The following TOPAZ1 variants were observed in gnomAD, a reference collection of about 807,000 sequenced individuals.
The protein encoded by TOPAZ1 is testis and ovary specific TOPAZ 1, also known as protein TOPAZ1.
In TOPAZ1, 66 loss-of-function variants were observed where a neutral mutation model predicts 172.2. That is an observed-to-expected ratio of 0.38 (90% CI 0.31 to 0.47). The LOEUF (loss-of-function observed/expected upper bound fraction) is 0.47, where lower values mean the gene tolerates loss of function less well. Among genes scored for constraint, TOPAZ1 ranks in the 20% least tolerant of loss-of-function variants. The pLI is 0.99. For synonymous variants in TOPAZ1, 681 were observed against 683.9 expected, an observed-to-expected ratio of 1.00 and a Z score of 0.07; for missense variants, 1,822 against 1,972.4, an observed-to-expected ratio of 0.92 and a Z score of 1.44.
chr3:44,243,483 T>C lies in TOPAZ1; in HGVS notation c.977T>C (p.Val326Ala). 1 of 1,551,758 alleles carries C rather than the reference T, an allele frequency of 6.4e-7. No individual in the cohort carries two copies. Among genetic ancestry groups the C allele is most frequent in the Non-Finnish European group, 8.7e-7 (1 of 1,146,984 alleles). Residue 326 changes from valine (V) to alanine (A), a missense_variant, in exon 2 of 20, where the codon GTT becomes GCT. This residue lies in a region of TOPAZ1 where 1,489 missense variants were observed against 1,490.8 expected (regional missense o/e 1.00). Transcript: ENST00000309765. Reference sequence around the variant, plus strand: ...AAATATTCAATAGAGGAGAGCAGTGTTGGGCGAAAACCCAGGAAAAGGATG... The same window carrying C: ...AAATATTCAATAGAGGAGAGCAGTGCTGGGCGAAAACCCAGGAAAAGGATG... ...KNKYSIEESS[V>A]GRKPRKRMKL...
chr3:44,318,362 GA>G (rs1487599167), intron 16 of TOPAZ1, among the ~76,000 whole-genome samples: 1 of 152,044 alleles, frequency 6.6e-6, no homozygotes, highest in African/African-American at 2.4e-5. Context: ...TGAGGCAGGA[GA>G]ATCACTTGAA....
chr3:44,255,672 C>G (rs113028154), intron 3 of TOPAZ1, among the ~76,000 whole-genome samples: 1 of 55,330 alleles, frequency 1.8e-5, no homozygotes, highest in Non-Finnish European at 3.5e-5. Flanking sequence ...AATATATATA[C>G]ACACACACAC....
At chr3:44,271,148 G>A (rs778725626) in intron 8 of TOPAZ1, among the ~76,000 whole-genome samples, 66 of 152,074 alleles carry the variant, frequency 4.3e-4, no homozygotes, top group Admixed American at 5.9e-4. Flanking sequence ...ATATGTATAC[G>A]TTCTGATAGG....
chr3:44,263,560 A>T (rs1052206405), intron 5 of TOPAZ1, among the ~76,000 whole-genome samples: 3 of 152,228 alleles, frequency 2.0e-5, no homozygotes, highest in African/African-American at 7.2e-5. Context: ...AGTAAGTGAC[A>T]TCCCAAGTTG....
chr3:44,257,498 G>A (rs1559527922), intron 4 of TOPAZ1, among the ~76,000 whole-genome samples: 1 of 93,864 alleles, frequency 1.1e-5, no homozygotes, highest in Admixed American at 1.3e-4. Flanking sequence ...GTGTGTGTGT[G>A]TGTGTGTGTG....
rs559055455 is a variant in TOPAZ1 at position 44,292,145 on chromosome 3, T to C, written c.3797+1259T>C. Reference sequence around the variant, plus strand: ...GCAGCTCTAAATAGTACTTCTTCCCTTCAATCACTAACATTGAAATTAATT... The same window carrying C: ...GCAGCTCTAAATAGTACTTCTTCCCCTCAATCACTAACATTGAAATTAATT... On this transcript the variant is annotated intron_variant, in intron 12 of 19. Transcript: ENST00000309765. Among the ~76,000 whole-genome samples, 27 of 152,344 alleles carry C rather than the reference T, an allele frequency of 1.8e-4. No homozygotes were observed. The South Asian group carries it at 5.6e-3, about 32-fold the overall frequency.
At chr3:44,303,193 T>C (rs142198408) in intron 12 of TOPAZ1, among the ~76,000 whole-genome samples, 22 of 152,298 alleles carry the variant, frequency 1.4e-4, no homozygotes, top group African/African-American at 5.1e-4. Flanking sequence ...AAAATTGTTT[T>C]TTTTTCTTAA....
At chr3:44,247,661 A>AT in intron 2 of TOPAZ1, among the ~76,000 whole-genome samples, 1 of 151,772 alleles carries the variant, frequency 6.6e-6, no homozygotes, top group Non-Finnish European at 1.5e-5. Flanking sequence ...TATTTTTGTT[A>AT]TTTTTTTGAG....
At chr3:44,299,873 A>G (rs868813361) in intron 12 of TOPAZ1, among the ~76,000 whole-genome samples, 3 of 137,506 alleles carry the variant, frequency 2.2e-5, no homozygotes. Context: ...AACACCGCAT[A>G]TTCTCACTCA....
intron 8 of TOPAZ1, 139 bp downstream of exon 8, chr3:44,270,949 T>C: frequency 1.4e-6 from 1 of 734,490 alleles, no homozygotes; most frequent in Non-Finnish European, 2.0e-6. Context: ...AATGGAATCA[T>C]ATGTGTATTC....
At chr3:44,313,757 G>T (rs1372189702) in intron 16 of TOPAZ1, among the ~76,000 whole-genome samples, 1 of 152,152 alleles carries the variant, frequency 6.6e-6, no homozygotes, top group Non-Finnish European at 1.5e-5. Flanking sequence ...GTTAGTGCCT[G>T]ATACTATGTT....
chr3:44,281,437 A>T (rs907563292), intron 8 of TOPAZ1, among the ~76,000 whole-genome samples: 1 of 152,198 alleles, frequency 6.6e-6, no homozygotes, highest in African/African-American at 2.4e-5. Context: ...CTTTTGTAAT[A>T]TTGACTTTTT....
chr3:44,309,990 G>A lies in TOPAZ1; in HGVS notation c.4306G>A (p.Glu1436Lys), dbSNP rs1237507492. Residue 1436 changes from glutamate (E) to lysine (K), a missense_variant and splice_region_variant, in exon 16 of 20, where the codon GAG (glutamate) becomes AAG (lysine). Transcript: ENST00000309765. Reference sequence around the variant, plus strand: ...AGATGGTGCCATTTGGGTAATGAGGGGTAAGTCCTGATATATGCAAGCATA... The same window carrying A: ...AGATGGTGCCATTTGGGTAATGAGGAGTAAGTCCTGATATATGCAAGCATA... ...SLDGAIWVMR[E>K]SEWIINTPLW... The A allele has an allele frequency of 6.5e-7, 1 of 1,545,284 alleles. No individual in the cohort carries two copies. The highest frequency in any genetic ancestry group is 8.7e-7 in the Non-Finnish European group (1 of 1,145,300).
chr3:44,334,893 G>C (rs1275484325), downstream of TOPAZ1, among the ~76,000 whole-genome samples: 2 of 152,122 alleles, frequency 1.3e-5, no homozygotes, highest in African/African-American at 4.8e-5. Context: ...TGCTAGTGAG[G>C]CTACAGACTT....
intron 2 of TOPAZ1, among the ~76,000 whole-genome samples, chr3:44,250,994 AT>A (rs1451905411): frequency 6.6e-6 from 1 of 152,220 alleles, no homozygotes; most frequent in Non-Finnish European, 1.5e-5. Context: ...TACTTGCATA[AT>A]AATTGCCCCA....
intron 8 of TOPAZ1, 112 bp downstream of exon 8, chr3:44,270,922 CT>C: frequency 1.1e-6 from 1 of 943,854 alleles, no homozygotes; most frequent in South Asian, 2.9e-5. Flanking sequence ...GTTTTGCCTG[CT>C]TTTGTTCTTT....
rs13322178 is a variant in TOPAZ1, at chr3:44,253,395, A to G, written c.2766-1573A>G. On this transcript the variant is annotated intron_variant, in intron 2 of 19. Coordinates refer to ENST00000309765, the MANE Select transcript of TOPAZ1 (RefSeq NM_001145030.2). ...GGAGCTATTGTAATAAGCCAAAAGA[A>G]CGTGGTGACTTTACACAGAAGTGGG... 8.3e-3 allele frequency among the ~76,000 whole-genome samples: 1,272 copies of G among 152,350 alleles called. 19 individuals carry two copies. The highest frequency in any genetic ancestry group is 0.029 in the African/African-American group (1,216 of 41,584).
chr3:44,257,467 ATAGTGTGTGTGTGTGTGTGT>A (rs1414733654), intron 4 of TOPAZ1, among the ~76,000 whole-genome samples: 11 of 106,048 alleles, frequency 1.0e-4, no homozygotes, highest in African/African-American at 3.1e-4. Context: ...ATATATATAT[ATAGTGTGTGTGTGTGTGTGT>A]GTGTGTGTGT....
At chr3:44,325,891 C>T (rs1700596298) in intron 18 of TOPAZ1, among the ~76,000 whole-genome samples, 1 of 152,192 alleles carries the variant, frequency 6.6e-6, no homozygotes, top group African/African-American at 2.4e-5. Flanking sequence ...CATCCATCCA[C>T]CTCGGCCTCC....
Sources: allele counts gnomAD v4.1 joint callset (sites outside exome capture counted in the v4.1 genomes callset), GRCh38; gene constraint gnomAD v4.1.1; regional missense constraint gnomAD v4.1.1; transcripts MANE v1.5; gene names NCBI Gene and HGNC (gene_info 2026-07-23, HGNC 2026-07-21).